The following UBE2E2 variants were observed in gnomAD, a reference collection of about 807,000 sequenced individuals.
UBE2E2 encodes ubiquitin-conjugating enzyme E2 E2.
A neutral mutation model predicts 24.7 loss-of-function variants in UBE2E2; 6 were observed. The observed-to-expected ratio is 0.24, with a 90% CI of 0.13 to 0.48. The LOEUF (loss-of-function observed/expected upper bound fraction) is 0.48. Among genes scored for constraint, UBE2E2 ranks in the 20% least tolerant of loss-of-function variants. The pLI is 0.99. For missense variants in UBE2E2, 169 were observed against 245.0 expected (o/e 0.69, Z 2.07); for synonymous variants, 104 against 83.6 (o/e 1.24, Z -1.33).
intron 3 of UBE2E2, among the ~76,000 whole-genome samples, chr3:23,370,852 C>G (rs1443520139): frequency 6.6e-6 from 1 of 152,080 alleles, no homozygotes; most frequent in Non-Finnish European, 1.5e-5. Flanking sequence ...GGAAGGTAGA[C>G]TTGAGTGTAG....
At chr3:23,466,784 G>T (rs1156944564) in intron 3 of UBE2E2, among the ~76,000 whole-genome samples, 2 of 151,856 alleles carry the variant, frequency 1.3e-5, no homozygotes, top group Non-Finnish European at 2.9e-5. Flanking sequence ...GGCCAGGCTG[G>T]TCTCGAACCC....
At chr3:23,270,915 G>T (rs1228668868) in intron 3 of UBE2E2, 2 of 456,452 alleles carry the variant, frequency 4.4e-6, no homozygotes, top group Admixed American at 2.4e-5. Context: ...ATGAAATCCT[G>T]CTGACAACTA....
chr3:23,556,220 C>A (rs1237897109), intron 5 of UBE2E2, among the ~76,000 whole-genome samples: 1 of 142,054 alleles, frequency 7.0e-6, no homozygotes, highest in Non-Finnish European at 1.5e-5. Context: ...TCTCAGCTCA[C>A]TGCAACCTCC....
At chr3:23,542,132 A>G (rs984901643) in intron 5 of UBE2E2, among the ~76,000 whole-genome samples, 2 of 152,194 alleles carry the variant, frequency 1.3e-5, no homozygotes, top group Non-Finnish European at 2.9e-5. Context: ...GGGCAAAGGC[A>G]TATTAGAGTG....
At chr3:23,227,493 T>C (rs1696858922) in intron 3 of UBE2E2, among the ~76,000 whole-genome samples, 1 of 152,242 alleles carries the variant, frequency 6.6e-6, no homozygotes, top group South Asian at 2.1e-4. Flanking sequence ...TGATAAAATT[T>C]AAATATACAT....
At chr3:23,514,556 G>A (rs1345786995) in intron 4 of UBE2E2, among the ~76,000 whole-genome samples, 1 of 151,950 alleles carries the variant, frequency 6.6e-6, no homozygotes, top group Non-Finnish European at 1.5e-5. Flanking sequence ...CTGCCATAAA[G>A]GCATCCAGTA....
chr3:23,250,451 A>G (rs1305072636), intron 3 of UBE2E2, among the ~76,000 whole-genome samples: 1 of 152,206 alleles, frequency 6.6e-6, no homozygotes, highest in Non-Finnish European at 1.5e-5. Flanking sequence ...AAATGGTGGC[A>G]TGAACTCACT....
chr3:23,506,593 A>T (rs1003514235), intron 4 of UBE2E2, among the ~76,000 whole-genome samples: 2 of 152,136 alleles, frequency 1.3e-5, no homozygotes, highest in Non-Finnish European at 1.5e-5. Flanking sequence ...TTATTGTGGA[A>T]ATCTCCTATG....
intron 3 of UBE2E2, among the ~76,000 whole-genome samples, chr3:23,255,267 T>TC (rs527982752): frequency 1.1e-4 from 17 of 151,318 alleles, no homozygotes; most frequent in Non-Finnish European, 2.4e-4. Flanking sequence ...TAGTTTTTTT[T>TC]TTTTTTGGTA....
intron 3 of UBE2E2, among the ~76,000 whole-genome samples, chr3:23,239,777 A>G (rs1697210220): frequency 6.6e-6 from 1 of 152,178 alleles, no homozygotes; most frequent in Non-Finnish European, 1.5e-5. Context: ...GTTCTAAAAG[A>G]TATGCTGTTT....
intron 3 of UBE2E2, among the ~76,000 whole-genome samples, chr3:23,362,756 G>A (rs564532674): frequency 1.3e-5 from 2 of 152,216 alleles, no homozygotes; most frequent in Admixed American, 6.5e-5. Context: ...GGACAAAAGG[G>A]AGAGTGACCT....
Position 23,589,956 on chromosome 3 carries a change from T to G in UBE2E2, c.*125T>G, listed in dbSNP as rs1352818769. ...ATTTTTATTAAATTTGGAACCATTTTGTGATGGTATGTTGTCCATCTTCCC... is the reference window on the plus strand; with the variant it reads ...ATTTTTATTAAATTTGGAACCATTTGGTGATGGTATGTTGTCCATCTTCCC... On this transcript the variant is annotated 3_prime_UTR_variant, in exon 6 of 6. Coordinates refer to ENST00000396703, the MANE Select transcript of UBE2E2 (RefSeq NM_152653.4). This position sits in a 1 kb window ranked among gnomAD's most constrained non-coding sequence, Gnocchi z 4.1. 1.2e-6 allele frequency: 1 copy of G among 827,514 alleles called. No individual in the cohort carries two copies. Among genetic ancestry groups the G allele is most frequent in the African/African-American group, 1.7e-5 (1 of 58,926 alleles). The allele number at this position is 827,514 out of a possible 1,614,324, so 51.3% of individuals were successfully genotyped here.
chr3:23,251,579 T>C (rs1697575623), intron 3 of UBE2E2, among the ~76,000 whole-genome samples: 1 of 152,238 alleles, frequency 6.6e-6, no homozygotes, highest in South Asian at 2.1e-4. Context: ...GTTTGTTTTC[T>C]ATGAAAGGAG....
intron 3 of UBE2E2, among the ~76,000 whole-genome samples, chr3:23,243,358 G>C (rs1697306682): frequency 6.6e-6 from 1 of 152,160 alleles, no homozygotes; most frequent in Admixed American, 6.5e-5. Context: ...TTCTGTAATG[G>C]CAGAGAATAG....
At chr3:23,415,785 T>G (rs1345797336) in intron 3 of UBE2E2, among the ~76,000 whole-genome samples, 2 of 152,180 alleles carry the variant, frequency 1.3e-5, no homozygotes, top group Admixed American at 1.3e-4. Flanking sequence ...AGGATACATG[T>G]GCAGAACGTG....
intron 4 of UBE2E2, among the ~76,000 whole-genome samples, chr3:23,512,195 C>CTT (rs5847236): frequency 2.3e-4 from 31 of 135,924 alleles, no homozygotes; most frequent in African/African-American, 8.1e-4. Context: ...GCCTGCCTGC[C>CTT]TTTTTTTTTT....
At position 23,396,487 on chromosome 3, in the gene UBE2E2, T is replaced by C. The variant is rs541263959; in HGVS notation, c.228-103121T>C. 1.4e-4 allele frequency among the ~76,000 whole-genome samples: 21 copies of C among 151,736 alleles called. No homozygotes were observed. The South Asian group carries it at 3.7e-3, about 27-fold the overall frequency. On this transcript the variant is annotated intron_variant, in intron 3 of 5. Transcript: ENST00000396703. ...ACATATACATATACAGACACACACATATATATATAATTTCCAAACAGGCTT... is the reference window on the plus strand; with the variant it reads ...ACATATACATATACAGACACACACACATATATATAATTTCCAAACAGGCTT...
At chr3:23,574,301 C>T (rs964750039) in intron 5 of UBE2E2, among the ~76,000 whole-genome samples, 2 of 152,040 alleles carry the variant, frequency 1.3e-5, no homozygotes, top group African/African-American at 4.8e-5. Context: ...TGAAAAAGAC[C>T]TAGTGTTTGC....
intron 3 of UBE2E2, among the ~76,000 whole-genome samples, chr3:23,242,337 C>T (rs889826293): frequency 2.6e-5 from 4 of 151,828 alleles, no homozygotes; most frequent in Non-Finnish European, 5.9e-5. Context: ...CTTTGTTCTT[C>T]AGGTGAGGTG....
Sources: gnomAD v4.1 joint callset for allele counts (sites outside exome capture counted in the v4.1 genomes callset) on GRCh38, gnomAD v4.1.1 for gene constraint, Gnocchi (gnomAD v3.1) non-coding constraint, MANE v1.5 for transcripts, NCBI Gene and HGNC (gene_info 2026-07-23, HGNC 2026-07-21) for gene names.